Variants in SEL1L2 observed in about 807,000 individuals in gnomAD.
SEL1L2 encodes protein sel-1 homolog 2.
A neutral mutation model predicts 98.8 loss-of-function variants in SEL1L2; 89 were observed. That is an observed-to-expected ratio of 0.90 (90% CI 0.76 to 1.07). SEL1L2 has a LOEUF of 1.07. Ranked by LOEUF, SEL1L2 falls within the 50% of genes least tolerant of loss-of-function variation. SEL1L2 has a pLI of 0.00. For missense variants in SEL1L2, 788 were observed against 812.0 expected (o/e 0.97, Z 0.36); for synonymous variants, 262 against 278.5 (o/e 0.94, Z 0.59).
chr20:13,897,392 A>G (rs2148061274), intron 5 of SEL1L2, among the ~76,000 whole-genome samples: 1 of 152,344 alleles, frequency 6.6e-6, no homozygotes, highest in East Asian at 1.9e-4. Flanking sequence ...CAACCAAAGC[A>G]AAAATGGACA....
At chr20:13,914,041 A>G in intron 4 of SEL1L2, 97 bp from the exon 5 acceptor site, 1 of 1,094,806 alleles carries the variant, frequency 9.1e-7, no homozygotes, top group Non-Finnish European at 1.3e-6. Flanking sequence ...AACAAGCAGG[A>G]ACCAGTTGTC....
At chr20:13,853,709 A>T (rs1198347556) in intron 18 of SEL1L2, among the ~76,000 whole-genome samples, 1 of 152,204 alleles carries the variant, frequency 6.6e-6, no homozygotes, top group Admixed American at 6.5e-5. Context: ...AATTTATATG[A>T]CTTGCAAGTG....
intron 5 of SEL1L2, among the ~76,000 whole-genome samples, chr20:13,911,365 A>G (rs1488592288): frequency 6.6e-6 from 1 of 152,244 alleles, no homozygotes; most frequent in Admixed American, 6.5e-5. Context: ...ATAGTTTGAA[A>G]AGAAATTAGG....
At chr20:13,952,830 A>G (rs1217912304) in intron 2 of SEL1L2, among the ~76,000 whole-genome samples, 6 of 152,178 alleles carry the variant, frequency 3.9e-5, no homozygotes, top group Non-Finnish European at 2.9e-5. Flanking sequence ...AAAGATCAAG[A>G]CCATCCTGGC....
chr20:13,915,524 C>A (rs531632871), intron 4 of SEL1L2, among the ~76,000 whole-genome samples: 1 of 152,164 alleles, frequency 6.6e-6, no homozygotes, highest in Non-Finnish European at 1.5e-5. Context: ...ACAGGAGGAG[C>A]ACCAGCATGG....
At chr20:13,933,111 A>T (rs148691226) in intron 2 of SEL1L2, among the ~76,000 whole-genome samples, 6 of 152,266 alleles carry the variant, frequency 3.9e-5, no homozygotes, top group African/African-American at 1.2e-4. Context: ...TTGGGAGGTG[A>T]GGCAGAAGAA....
chr20:13,877,492 A>G (rs1221784410), intron 11 of SEL1L2, 28 bp downstream of exon 11: 1 of 1,563,566 alleles, frequency 6.4e-7, no homozygotes, highest in African/African-American at 1.4e-5. Context: ...TAATAAATGA[A>G]AACAATGAAT....
chr20:13,851,171 G>T (rs983041715), intron 18 of SEL1L2, among the ~76,000 whole-genome samples: 1 of 152,014 alleles, frequency 6.6e-6, no homozygotes, highest in African/African-American at 2.4e-5. Context: ...CGGTTGCAGT[G>T]AGCCAAGATC....
At chr20:13,874,450 C>T (rs753196001) in intron 12 of SEL1L2, among the ~76,000 whole-genome samples, 6 of 152,088 alleles carry the variant, frequency 3.9e-5, no homozygotes, top group South Asian at 4.1e-4. Context: ...TTCAGCGCAC[C>T]GGAGACCCAG....
At position 13,876,022 on chromosome 20, in the gene SEL1L2, T is replaced by C. The variant is rs752231429; in HGVS notation, c.1104+16A>G. 6.3e-7 allele frequency: 1 copy of C among 1,596,120 alleles called. No individual in the cohort carries two copies. Among genetic ancestry groups the C allele is most frequent in the East Asian group, 2.2e-5 (1 of 44,796 alleles). On this transcript the variant is annotated intron_variant, in intron 12 of 19. Transcript: ENST00000284951. ...ATTTGTGTGTATGTGTTTACAACAG[T>C]GCATTGAGGACATACCTTACTGGCT...
chr20:13,978,268 C>T (rs1201549857), intron 1 of SEL1L2, among the ~76,000 whole-genome samples: 1 of 152,120 alleles, frequency 6.6e-6, no homozygotes, highest in African/African-American at 2.4e-5. Context: ...ACACTGTCTT[C>T]AACAAATGGT....
At chr20:13,893,745 C>G (rs1011785437) in intron 5 of SEL1L2, among the ~76,000 whole-genome samples, 1 of 152,064 alleles carries the variant, frequency 6.6e-6, no homozygotes, top group Non-Finnish European at 1.5e-5. Context: ...CAAGGGCGCA[C>G]AAAAACAGTC....
chr20:13,991,001 G>A (rs1299486984), upstream of SEL1L2, among the ~76,000 whole-genome samples: 2 of 152,118 alleles, frequency 1.3e-5, no homozygotes, highest in Non-Finnish European at 2.9e-5. Context: ...AGAAACAATG[G>A]GCCAAGTCTG....
In SEL1L2 at chr20:13,939,040, G is replaced by GTTTTTTTTTTTTTTTTTTTTTTTTTTT. The variant is rs386365633; in HGVS notation, c.115-7270_115-7269insAAAAAAAAAAAAAAAAAAAAAAAAAAA. On this transcript the variant is annotated intron_variant, in intron 2 of 19. Coordinates refer to ENST00000284951, the MANE Select transcript of SEL1L2 (RefSeq NM_025229.2). ...TCTTTTTGGTTTGTTTGCTTGTTTT[G>GTTTTTTTTTTTTTTTTTTTTTTTTTTT]TTTTTTTTTTTTTTTTTTTCTGAGA... is the stretch of plus-strand genomic sequence containing the variant. Among the ~76,000 whole-genome samples the GTTTTTTTTTTTTTTTTTTTTTTTTTTT allele has an allele frequency of 4.4e-5, 5 of 114,088 alleles. 1 individual carries two copies. Among genetic ancestry groups the GTTTTTTTTTTTTTTTTTTTTTTTTTTT allele is most frequent in the South Asian group, 5.8e-4 (2 of 3,472 alleles). 74.8% of individuals were successfully genotyped at this position (114,088 alleles called of 152,430 possible).
At chr20:13,883,206 C>T (rs1184340764) in intron 10 of SEL1L2, among the ~76,000 whole-genome samples, 1 of 152,138 alleles carries the variant, frequency 6.6e-6, no homozygotes, top group African/African-American at 2.4e-5. Flanking sequence ...AAAGGACCAG[C>T]CTGTGCTTAC....
At chr20:13,980,460 G>A (rs1249959176) in intron 1 of SEL1L2, among the ~76,000 whole-genome samples, 1 of 152,044 alleles carries the variant, frequency 6.6e-6, no homozygotes, top group Non-Finnish European at 1.5e-5. Flanking sequence ...CACCTGCCTC[G>A]GCCTCCCAGA....
intron 1 of SEL1L2, among the ~76,000 whole-genome samples, chr20:13,981,281 T>C (rs1397111967): frequency 6.7e-6 from 1 of 149,760 alleles, no homozygotes; most frequent in Non-Finnish European, 1.5e-5. Flanking sequence ...GAGAATAGAA[T>C]GGTGGTTATC....
chr20:13,958,104 C>T (rs965077979), intron 1 of SEL1L2, among the ~76,000 whole-genome samples: 2 of 152,094 alleles, frequency 1.3e-5, no homozygotes, highest in African/African-American at 4.8e-5. Context: ...GCAATGTAGC[C>T]TCATGGTCTA....
At chr20:13,955,641 C>T (rs2050501559) in intron 2 of SEL1L2, among the ~76,000 whole-genome samples, 2 of 152,152 alleles carry the variant, frequency 1.3e-5, no homozygotes, top group South Asian at 4.1e-4. Context: ...TAAATCATTG[C>T]TGGGTTGAGA....
Sources: gnomAD v4.1 joint callset for allele counts (sites outside exome capture counted in the v4.1 genomes callset) on GRCh38, gnomAD v4.1.1 for gene constraint, MANE v1.5 for transcripts, NCBI Gene and HGNC (gene_info 2026-07-23, HGNC 2026-07-21) for gene names.